Variants in ANKS1B observed in about 807,000 individuals in gnomAD.
The protein encoded by ANKS1B is ankyrin repeat and sterile alpha motif domain containing 1B, also known as ankyrin repeat and sterile alpha motif domain-containing protein 1B.
In ANKS1B, 36 loss-of-function variants were observed where a neutral mutation model predicts 148.3. The observed-to-expected ratio is 0.24, with a 90% confidence interval of 0.19 to 0.32. The LOEUF is 0.32. Ranked by LOEUF, ANKS1B falls within the 10% of genes least tolerant of loss-of-function variation. The pLI, the probability that ANKS1B is intolerant of heterozygous loss-of-function variation, is 1.00. For missense variants in ANKS1B, 1,157 were observed against 1,542.6 expected (o/e 0.75, Z 4.19); for synonymous variants, 542 against 560.8 (o/e 0.97, Z 0.47).
chr12:99,527,894 A>C (rs943629902), intron 9 of ANKS1B, among the ~76,000 whole-genome samples: 14 of 152,158 alleles, frequency 9.2e-5, no homozygotes, highest in African/African-American at 3.1e-4. Flanking sequence ...AAAAAAAAAA[A>C]AATGGCCCAA....
At chr12:99,801,269 A>G (rs2066916254) in intron 4 of ANKS1B, among the ~76,000 whole-genome samples, 1 of 149,468 alleles carries the variant, frequency 6.7e-6, no homozygotes, top group Non-Finnish European at 1.5e-5. Context: ...CGTGCAGCAG[A>G]GATTCCCAGG....
chr12:98,865,437 C>T (rs2152283333), intron 17 of ANKS1B, among the ~76,000 whole-genome samples: 1 of 152,272 alleles, frequency 6.6e-6, no homozygotes, highest in Non-Finnish European at 1.5e-5. Context: ...AGCTGAGTGG[C>T]TATTATGTTC....
intron 9 of ANKS1B, among the ~76,000 whole-genome samples, chr12:99,654,579 T>C (rs1389576029): frequency 6.6e-6 from 1 of 152,206 alleles, no homozygotes; most frequent in Non-Finnish European, 1.5e-5. Context: ...TTGAAACTAA[T>C]AGTCAATATT....
At chr12:99,372,425 T>C (rs1468895847) in intron 12 of ANKS1B, among the ~76,000 whole-genome samples, 1 of 152,148 alleles carries the variant, frequency 6.6e-6, no homozygotes, top group Admixed American at 6.6e-5. Flanking sequence ...TTTCTTATGA[T>C]TCGTTTGTAA....
At chr12:99,087,480 C>T (rs1383089584) in intron 15 of ANKS1B, among the ~76,000 whole-genome samples, 3 of 152,170 alleles carry the variant, frequency 2.0e-5, no homozygotes, top group African/African-American at 4.8e-5. Context: ...GTCTTGGCAA[C>T]ATGCCACAGG....
chr12:99,078,055 G>A (rs565505367), intron 16 of ANKS1B, among the ~76,000 whole-genome samples: 7 of 152,308 alleles, frequency 4.6e-5, no homozygotes, highest in African/African-American at 1.7e-4. Context: ...CTGCTCTCCA[G>A]TGTGCCACAG....
chr12:99,343,323 T>C (rs140029942), intron 12 of ANKS1B, among the ~76,000 whole-genome samples: 142 of 152,214 alleles, frequency 9.3e-4, no homozygotes, highest in African/African-American at 2.9e-3. Flanking sequence ...TTTAAATACA[T>C]GGTTTATTTC....
chr12:99,071,523 C>T (rs2153588017), intron 16 of ANKS1B, among the ~76,000 whole-genome samples: 1 of 152,340 alleles, frequency 6.6e-6, no homozygotes, highest in Non-Finnish European at 1.5e-5. Context: ...GATCTGACTG[C>T]TCAGCTTCTC....
chr12:98,745,880 A>T, intron 26 of ANKS1B, 31 bp from the exon 27 acceptor site: 2 of 1,593,398 alleles, frequency 1.3e-6, no homozygotes, highest in Middle Eastern at 3.4e-4. Context: ...TGCCTGTTAT[A>T]CGGTCGCCGC....
In ANKS1B at chr12:98,822,443, C is replaced by A. The variant is rs573117084; in HGVS notation, c.3066+6731G>T. The stretch of plus-strand genomic sequence containing the variant: ...AATAAGAAACATTCTGAAAATTTAA[C>A]AAGTGGAAAAATAACCTGCTGGGCC... On this transcript the variant is annotated intron_variant, in intron 19 of 26. Coordinates refer to ENST00000683438, the MANE Select transcript of ANKS1B (RefSeq NM_001352186.2). Among the ~76,000 whole-genome samples, 3 of 152,078 alleles carry A rather than the reference C, an allele frequency of 2.0e-5. No homozygotes were observed. The East Asian group carries it at 5.8e-4, about 29-fold the overall frequency.
At chr12:98,945,663 T>C (rs1043811703) in intron 17 of ANKS1B, among the ~76,000 whole-genome samples, 2 of 152,000 alleles carry the variant, frequency 1.3e-5, no homozygotes, top group Admixed American at 6.6e-5. Context: ...CCAGAATCAA[T>C]AACAAATTTG....
chr12:99,313,753 T>TGA (rs2083546553), intron 12 of ANKS1B, among the ~76,000 whole-genome samples: 1 of 152,186 alleles, frequency 6.6e-6, no homozygotes, highest in Admixed American at 6.5e-5. Context: ...AACTAGGTAT[T>TGA]GATGGAACAC....
intron 17 of ANKS1B, among the ~76,000 whole-genome samples, chr12:98,854,992 T>C (rs965553356): frequency 2.0e-5 from 3 of 151,888 alleles, no homozygotes; most frequent in African/African-American, 7.2e-5. Flanking sequence ...ACCCCGTCTC[T>C]ACTAAAAATA....
At chr12:99,265,509 T>C (rs1471846590) in intron 12 of ANKS1B, among the ~76,000 whole-genome samples, 1 of 152,166 alleles carries the variant, frequency 6.6e-6, no homozygotes, top group Non-Finnish European at 1.5e-5. Flanking sequence ...CTGATGCACA[T>C]TAAGAGATGA....
intron 8 of ANKS1B, among the ~76,000 whole-genome samples, chr12:99,685,838 G>T (rs1283065798): frequency 6.6e-6 from 1 of 151,972 alleles, no homozygotes; most frequent in African/African-American, 2.4e-5. Flanking sequence ...ACAGCAACCT[G>T]GATGGAGTTG....
chr12:99,327,346 A>G (rs1055052523), intron 12 of ANKS1B, among the ~76,000 whole-genome samples: 2 of 114,040 alleles, frequency 1.8e-5, no homozygotes, highest in African/African-American at 6.5e-5. Flanking sequence ...TATATATTAT[A>G]ATTACATATT....
chr12:99,307,714 CT>C (rs558467568), intron 12 of ANKS1B, among the ~76,000 whole-genome samples: 3,485 of 144,014 alleles, frequency 0.024, 41 homozygotes, highest in Non-Finnish European at 0.034. Context: ...AACTGAATGT[CT>C]TTTTTTTTTT....
chr12:98,985,407 ACTTT>A (rs1231714043), intron 17 of ANKS1B, among the ~76,000 whole-genome samples: 8 of 151,726 alleles, frequency 5.3e-5, no homozygotes, highest in Admixed American at 3.9e-4. Flanking sequence ...TAGTTTCCCA[ACTTT>A]CTATGTCTTT....
intron 17 of ANKS1B, among the ~76,000 whole-genome samples, chr12:99,048,410 T>A (rs2099963823): frequency 6.6e-6 from 1 of 152,210 alleles, no homozygotes; most frequent in Admixed American, 6.5e-5. Context: ...ATTGTGTGTG[T>A]GTTTTACTAT....
Sources: gnomAD v4.1 joint callset for allele counts (sites outside exome capture counted in the v4.1 genomes callset) on GRCh38, gnomAD v4.1.1 for gene constraint, MANE v1.5 for transcripts, NCBI Gene and HGNC (gene_info 2026-07-23, HGNC 2026-07-21) for gene names.